The following FYCO1 variants were observed in gnomAD, a reference collection of about 807,000 sequenced individuals.
FYCO1 encodes the protein FYVE and coiled-coil domain autophagy adaptor 1, also known as FYVE and coiled-coil domain-containing protein 1.
In FYCO1, 122 loss-of-function variants were observed where a neutral mutation model predicts 165.1. The observed-to-expected ratio is 0.74, with a 90% CI of 0.64 to 0.86. The LOEUF is 0.86. Ranked by LOEUF, FYCO1 falls within the 40% of genes least tolerant of loss-of-function variation. The probability of loss-of-function intolerance (pLI) is 0.00; values close to 1 mark genes in which losing one functional copy is unlikely to be tolerated. For synonymous variants in FYCO1, 648 were observed against 742.5 expected (o/e 0.87, Z 2.07); for missense variants, 1,702 against 1,810.3 (o/e 0.94, Z 1.09).
chr3:45,954,452 C>T (rs1705204030), intron 14 of FYCO1, among the ~76,000 whole-genome samples: 1 of 152,162 alleles, frequency 6.6e-6, no homozygotes, highest in East Asian at 1.9e-4. Context: ...ACTCTGCCTT[C>T]ATCACTCAGC....
chr3:45,953,511 T>C (rs1705142997), intron 14 of FYCO1, among the ~76,000 whole-genome samples: 1 of 152,148 alleles, frequency 6.6e-6, no homozygotes, highest in African/African-American at 2.4e-5. Flanking sequence ...TTTATACAAC[T>C]CATATTTTTA....
At chr3:45,923,003 T>A (rs747987223) in intron 17 of FYCO1, among the ~76,000 whole-genome samples, 5 of 152,196 alleles carry the variant, frequency 3.3e-5, no homozygotes, top group African/African-American at 7.2e-5. Flanking sequence ...CAGTCAATGC[T>A]GGTCCTGTCT....
At chr3:45,929,431 C>G (rs1559440091) in intron 16 of FYCO1, among the ~76,000 whole-genome samples, 1 of 152,196 alleles carries the variant, frequency 6.6e-6, no homozygotes, top group Non-Finnish European at 1.5e-5. Flanking sequence ...ACAGCAAAGG[C>G]CTGGATCCCT....
At position 45,964,602 on chromosome 3, in the gene FYCO1, T is replaced by C. The variant is rs1212964246; in HGVS notation, c.3151-148A>G. Reference sequence around the variant, plus strand: ...TATTAAGTTCAAGAGGCCATGAACCTCTGCTCTATATTTGTGGGGCCTCAA... The same window carrying C: ...TATTAAGTTCAAGAGGCCATGAACCCCTGCTCTATATTTGTGGGGCCTCAA... On this transcript the variant is annotated intron_variant, in intron 9 of 17. Coordinates refer to ENST00000296137, the MANE Select transcript of FYCO1 (RefSeq NM_024513.4). The surrounding 1 kb of genome is among the most constrained non-coding windows in gnomAD (Gnocchi z 4.1). 1.3e-6 allele frequency: 2 copies of C among 1,499,270 alleles called. No homozygotes were observed. The highest frequency in any genetic ancestry group is 2.8e-5 in the African/African-American group (2 of 72,192). The allele number at this position is 1,499,270 out of a possible 1,614,324, so 92.9% of individuals were successfully genotyped here.
intron 4 of FYCO1, among the ~76,000 whole-genome samples, chr3:45,977,727 C>G (rs987083297): frequency 6.6e-6 from 1 of 152,146 alleles, no homozygotes; most frequent in Admixed American, 6.5e-5. Flanking sequence ...TGAGCCCATA[C>G]TGAATCTCCA....
At position 45,947,586 on chromosome 3, in the gene FYCO1, C is replaced by A. The variant is rs139129395; in HGVS notation, c.3944+7663G>T. The A allele has an allele frequency of 2.6e-6, 3 of 1,173,758 alleles. No homozygotes were observed. The East Asian group carries it at 7.0e-5, about 27-fold the overall frequency. The allele number at this position is 1,173,758 out of a possible 1,614,324, so 72.7% of individuals were successfully genotyped here. A position where few individuals can be genotyped will look rare whatever the true frequency, so the allele number is the denominator to read the frequency against. On this transcript the variant is annotated intron_variant, in intron 14 of 17. Coordinates refer to ENST00000296137, the MANE Select transcript of FYCO1 (RefSeq NM_024513.4). Reference sequence around the variant, plus strand: ...TGCCCTCTTGATGTGGTGAGGCAGGCTTTGTTTATAGCTTGCGCATTCTCA... The same window carrying A: ...TGCCCTCTTGATGTGGTGAGGCAGGATTTGTTTATAGCTTGCGCATTCTCA...
intron 14 of FYCO1, chr3:45,947,878 A>C: frequency 4.1e-6 from 1 of 242,168 alleles, no homozygotes; most frequent in Non-Finnish European, 8.7e-6. Flanking sequence ...TAGGTGGCAC[A>C]CTGGGTGCCC....
chr3:45,976,374 A>G (rs992836373), intron 4 of FYCO1, among the ~76,000 whole-genome samples: 1 of 152,244 alleles, frequency 6.6e-6, no homozygotes, highest in African/African-American at 2.4e-5. Flanking sequence ...GCCAAGGCGG[A>G]TGGAATAAAA....
At chr3:45,927,419 G>A (rs931796137) in intron 16 of FYCO1, among the ~76,000 whole-genome samples, 4 of 152,316 alleles carry the variant, frequency 2.6e-5, no homozygotes, top group South Asian at 2.1e-4. Context: ...AAATTCAAAC[G>A]TGTGGATCGA....
At chr3:45,974,123 A>C (rs2125860447) in intron 5 of FYCO1, among the ~76,000 whole-genome samples, 1 of 152,286 alleles carries the variant, frequency 6.6e-6, no homozygotes, top group South Asian at 2.1e-4. Context: ...TCACACCTGT[A>C]ATCCTAGCAC....
chr3:45,940,195 C>A (rs1575337948), intron 14 of FYCO1, among the ~76,000 whole-genome samples: 1 of 152,272 alleles, frequency 6.6e-6, no homozygotes, highest in East Asian at 1.9e-4. Context: ...GGAGAGGGCC[C>A]CCCTCCCCCA....
chr3:45,971,464 T>A (rs925653806), intron 6 of FYCO1, among the ~76,000 whole-genome samples: 16 of 152,214 alleles, frequency 1.1e-4, no homozygotes, highest in African/African-American at 3.6e-4. Flanking sequence ...AAATAGTAAC[T>A]TTTGGAGAAA....
chr3:45,949,708 G>A (rs1300716629), intron 14 of FYCO1, among the ~76,000 whole-genome samples: 1 of 152,206 alleles, frequency 6.6e-6, no homozygotes, highest in Non-Finnish European at 1.5e-5. Context: ...CAACAGAAAA[G>A]CAGCGCTGGG....
In FYCO1 at chr3:45,981,692, T is replaced by G; in HGVS notation, c.56-16A>C. On this transcript the variant is annotated splice_polypyrimidine_tract_variant and intron_variant, in intron 2 of 17. Coordinates refer to ENST00000296137, the MANE Select transcript of FYCO1 (RefSeq NM_024513.4). ...GTCACAGCATCTTTAAGACAACAAATAGGAACATGTAACCAGATAGTGACT... is the reference window on the plus strand; with the variant it reads ...GTCACAGCATCTTTAAGACAACAAAGAGGAACATGTAACCAGATAGTGACT... 6.5e-7 allele frequency: 1 copy of G among 1,531,252 alleles called. No homozygotes were observed. The highest frequency in any genetic ancestry group is 9.1e-7 in the Non-Finnish European group (1 of 1,104,646). The allele number at this position is 1,531,252 out of a possible 1,614,324, so 94.9% of individuals were successfully genotyped here. A position where few individuals can be genotyped will look rare whatever the true frequency, so the allele number is the denominator to read the frequency against.
At chr3:45,972,939 A>C (rs377563708) in intron 6 of FYCO1, 149 bp downstream of exon 6, 2 of 820,934 alleles carry the variant, frequency 2.4e-6, no homozygotes, top group Non-Finnish European at 2.0e-6. Flanking sequence ...ATGATTCAAC[A>C]AAGTCTGTAA....
At chr3:45,991,474 C>T (rs1216336702) in intron 1 of FYCO1, among the ~76,000 whole-genome samples, 3 of 152,230 alleles carry the variant, frequency 2.0e-5, no homozygotes, top group African/African-American at 7.2e-5. Context: ...CCTTCTTCCC[C>T]TCTGCCTATG....
chr3:45,921,292 C>T lies in FYCO1; in HGVS notation c.*473G>A, dbSNP rs761499074. ...TGTGTACCTCCTTTTCCCAGGAGTA[C>T]CTGAGGGCGTCACAGCCTGAGGATT... On this transcript the variant is annotated 3_prime_UTR_variant, in exon 18 of 18. Coordinates refer to ENST00000296137, the MANE Select transcript of FYCO1 (RefSeq NM_024513.4). 5.6e-5 allele frequency: 13 copies of T among 232,074 alleles called. No homozygotes were observed. Among genetic ancestry groups the T allele is most frequent in the Non-Finnish European group, 9.4e-5 (11 of 116,708 alleles). The allele number at this position is 232,074 out of a possible 1,614,324, so 14.4% of individuals were successfully genotyped here. A position where few individuals can be genotyped will look rare whatever the true frequency, so the allele number is the denominator to read the frequency against.
chr3:45,969,995 A>G (rs1486429410), intron 6 of FYCO1, among the ~76,000 whole-genome samples: 1 of 152,252 alleles, frequency 6.6e-6, no homozygotes, highest in African/African-American at 2.4e-5. Context: ...ACTGCCAAAA[A>G]AGAATTAAGT....
At chr3:45,936,667 T>C (rs927219104) in intron 14 of FYCO1, 124 bp from the exon 15 acceptor site, 15 of 750,196 alleles carry the variant, frequency 2.0e-5, no homozygotes, top group African/African-American at 6.8e-5. Flanking sequence ...CCTTTAATCA[T>C]AGAGGCCATG....
Sources: allele counts gnomAD v4.1 joint callset (sites outside exome capture counted in the v4.1 genomes callset), GRCh38; gene constraint gnomAD v4.1.1; non-coding constraint Gnocchi (gnomAD v3.1); transcripts MANE v1.5; gene names NCBI Gene and HGNC (gene_info 2026-07-23, HGNC 2026-07-21).